PLCXD3: variants seen among roughly 807,000 people sequenced by gnomAD.
The protein encoded by PLCXD3 is PI-PLC X domain-containing protein 3.
Under a neutral mutation model 25.5 loss-of-function variants are expected in PLCXD3, and 19 were observed. That is an observed-to-expected ratio of 0.75 (90% CI 0.52 to 1.09). The LOEUF (loss-of-function observed/expected upper bound fraction) is 1.09. Ranked by LOEUF, PLCXD3 falls within the 50% of genes least tolerant of loss-of-function variation. The probability of loss-of-function intolerance (pLI) is 0.00; values close to 1 mark genes in which losing one functional copy is unlikely to be tolerated. For missense variants in PLCXD3, 411 were observed against 388.1 expected (o/e 1.06, Z -0.50); for synonymous variants, 174 against 137.6 (o/e 1.26, Z -1.85).
chr5:41,389,019 T>C (rs1745727366), intron 1 of PLCXD3, among the ~76,000 whole-genome samples: 1 of 151,934 alleles, frequency 6.6e-6, no homozygotes, highest in South Asian at 2.1e-4. Context: ...ATAAAATTTA[T>C]GGATAAATAT....
chr5:41,460,701 A>G (rs1747854197), intron 1 of PLCXD3, among the ~76,000 whole-genome samples: 1 of 152,026 alleles, frequency 6.6e-6, no homozygotes, highest in East Asian at 1.9e-4. Context: ...CGTCATTATG[A>G]ATTTATAAAA....
chr5:41,441,890 T>G (rs779790384), intron 1 of PLCXD3, among the ~76,000 whole-genome samples: 3 of 152,200 alleles, frequency 2.0e-5, no homozygotes, highest in Non-Finnish European at 2.9e-5. Flanking sequence ...TCTCTAAACA[T>G]CAGAAAAAAT....
At chr5:41,364,307 T>G (rs898743248) in intron 2 of PLCXD3, among the ~76,000 whole-genome samples, 2 of 152,228 alleles carry the variant, frequency 1.3e-5, no homozygotes, top group African/African-American at 4.8e-5. Flanking sequence ...CTCAGTCTCT[T>G]CAGGATCCTT....
In PLCXD3 at chr5:41,332,441, A is replaced by G. The variant is rs555633827; in HGVS notation, c.813-18671T>C. Among the ~76,000 whole-genome samples, 479 of 152,254 alleles carry G rather than the reference A, an allele frequency of 3.1e-3. 1 individual carries two copies. The highest frequency in any genetic ancestry group is 7.7e-3 in the Admixed American group (117 of 15,284). ...ATGGCAATCATTAAAAAGTCAGGAAACAACAGGTGCTGGAGAGGATGTGGA... is the reference window on the plus strand; with the variant it reads ...ATGGCAATCATTAAAAAGTCAGGAAGCAACAGGTGCTGGAGAGGATGTGGA... On this transcript the variant is annotated intron_variant, in intron 2 of 2. Coordinates refer to ENST00000377801, the MANE Select transcript of PLCXD3 (RefSeq NM_001005473.3).
chr5:41,402,784 C>T (rs1746223919), intron 1 of PLCXD3, among the ~76,000 whole-genome samples: 1 of 144,632 alleles, frequency 6.9e-6, no homozygotes, highest in African/African-American at 2.5e-5. Context: ...ATGTTAATCT[C>T]TTTAATATGA....
chr5:41,372,535 G>A (rs984705240), intron 2 of PLCXD3, among the ~76,000 whole-genome samples: 33 of 152,086 alleles, frequency 2.2e-4, no homozygotes, highest in Non-Finnish European at 3.7e-4. Flanking sequence ...AAGTTTTGGG[G>A]TCAAAAGTTG....
chr5:41,325,045 T>G (rs565652287), intron 2 of PLCXD3, among the ~76,000 whole-genome samples: 1 of 152,182 alleles, frequency 6.6e-6, no homozygotes, highest in Non-Finnish European at 1.5e-5. Context: ...AGTTAAAATT[T>G]CTAGGCCTGA....
intron 2 of PLCXD3, among the ~76,000 whole-genome samples, chr5:41,337,735 G>A (rs986002357): frequency 2.0e-5 from 3 of 152,070 alleles, no homozygotes; most frequent in African/African-American, 7.2e-5. Context: ...CAGGTGCAAA[G>A]GATAGAGAAA....
chr5:41,328,623 G>A (rs1743701040), intron 2 of PLCXD3, among the ~76,000 whole-genome samples: 1 of 152,094 alleles, frequency 6.6e-6, no homozygotes, highest in Non-Finnish European at 1.5e-5. Flanking sequence ...GGAATGTGAA[G>A]CTCTTCTGTG....
Position 41,510,407 on chromosome 5 carries a change from A to G in PLCXD3, c.103+17T>C, listed in dbSNP as rs1257123875. The stretch of plus-strand genomic sequence containing the variant: ...AGCGGGCGCCGAGCGCCTAGCCCGC[A>G]GCCCCTGCGCGCCTACCTGGAATGG... On this transcript the variant is annotated intron_variant, in intron 1 of 2. Transcript: ENST00000377801. 1 of 1,593,924 alleles carries G rather than the reference A, an allele frequency of 6.3e-7. No homozygotes were observed. Among genetic ancestry groups the G allele is most frequent in the African/African-American group, 1.4e-5 (1 of 73,590 alleles).
chr5:41,463,122 T>C (rs1259415081), intron 1 of PLCXD3, among the ~76,000 whole-genome samples: 1 of 152,074 alleles, frequency 6.6e-6, no homozygotes, highest in South Asian at 2.1e-4. Context: ...AGTGACTGTA[T>C]CTTTTATAAT....
At chr5:41,412,456 CT>C (rs1347428636) in intron 1 of PLCXD3, among the ~76,000 whole-genome samples, 1 of 152,156 alleles carries the variant, frequency 6.6e-6, no homozygotes, top group Non-Finnish European at 1.5e-5. Context: ...GACTTACACC[CT>C]TTCTTTACCT....
chr5:41,461,484 A>C (rs1747874095), intron 1 of PLCXD3, among the ~76,000 whole-genome samples: 1 of 151,970 alleles, frequency 6.6e-6, no homozygotes, highest in African/African-American at 2.4e-5. Context: ...TCTCCTCCAT[A>C]AAGTGTGCTA....
chr5:41,399,766 T>C (rs1469119978), intron 1 of PLCXD3, among the ~76,000 whole-genome samples: 2 of 152,086 alleles, frequency 1.3e-5, no homozygotes, highest in African/African-American at 2.4e-5. Flanking sequence ...GGAGAAACTT[T>C]CCAGGACCAT....
chr5:41,447,913 T>C (rs1747540643), intron 1 of PLCXD3, among the ~76,000 whole-genome samples: 1 of 152,196 alleles, frequency 6.6e-6, no homozygotes, highest in Non-Finnish European at 1.5e-5. Flanking sequence ...ATAAATTAAA[T>C]TCAGATTTAG....
chr5:41,364,824 C>A (rs1744890344), intron 2 of PLCXD3, among the ~76,000 whole-genome samples: 1 of 152,206 alleles, frequency 6.6e-6, no homozygotes, highest in Non-Finnish European at 1.5e-5. Context: ...GGGAGGGAAT[C>A]TACTTCATTT....
At chr5:41,444,977 T>A (rs1433176313) in intron 1 of PLCXD3, among the ~76,000 whole-genome samples, 1 of 152,238 alleles carries the variant, frequency 6.6e-6, no homozygotes, top group Non-Finnish European at 1.5e-5. Flanking sequence ...GAAGTAAAAG[T>A]AAGAGCTTAT....
intron 2 of PLCXD3, among the ~76,000 whole-genome samples, chr5:41,350,453 T>C (rs757453126): frequency 3.3e-5 from 5 of 152,222 alleles, no homozygotes; most frequent in Non-Finnish European, 7.3e-5. Flanking sequence ...GATATTAGGT[T>C]CTATTCCCAT....
intron 1 of PLCXD3, among the ~76,000 whole-genome samples, chr5:41,383,988 T>A (rs1362756047): frequency 6.6e-6 from 1 of 152,106 alleles, no homozygotes; most frequent in Non-Finnish European, 1.5e-5. Flanking sequence ...AGTGCCTAAA[T>A]TTCAGACACT....
Sources: gnomAD v4.1 joint callset for allele counts (sites outside exome capture counted in the v4.1 genomes callset) on GRCh38, gnomAD v4.1.1 for gene constraint, MANE v1.5 for transcripts, NCBI Gene and HGNC (gene_info 2026-07-23, HGNC 2026-07-21) for gene names.